The following RALGPS2 variants were observed in gnomAD, a reference collection of about 807,000 sequenced individuals.
RALGPS2 encodes the protein ras-specific guanine nucleotide-releasing factor RalGPS2.
Under a neutral mutation model 86.8 loss-of-function variants are expected in RALGPS2, and 43 were observed. That is an observed-to-expected ratio of 0.50 (90% CI 0.39 to 0.64). RALGPS2 has a LOEUF of 0.64. Among genes scored for constraint, RALGPS2 ranks in the 30% least tolerant of loss-of-function variants. The pLI is 0.00. For synonymous variants in RALGPS2, 243 were observed against 231.3 expected, an observed-to-expected ratio of 1.05 and a Z score of -0.46; for missense variants, 536 against 694.6, an observed-to-expected ratio of 0.77 and a Z score of 2.57.
intron 1 of RALGPS2, among the ~76,000 whole-genome samples, chr1:178,746,518 G>A (rs974289322): frequency 7.2e-5 from 11 of 152,192 alleles, no homozygotes; most frequent in African/African-American, 2.4e-4. Context: ...GCTGGTGGAT[G>A]CTCTTCATTC....
chr1:178,754,396 G>T (rs1029939103), intron 1 of RALGPS2, among the ~76,000 whole-genome samples: 2 of 152,144 alleles, frequency 1.3e-5, no homozygotes, highest in Non-Finnish European at 2.9e-5. Context: ...CTGACTGAGT[G>T]TGAAGGCCTG....
At chr1:178,816,355 A>G (rs566284542) in intron 6 of RALGPS2, among the ~76,000 whole-genome samples, 1 of 151,970 alleles carries the variant, frequency 6.6e-6, no homozygotes, top group African/African-American at 2.4e-5. Flanking sequence ...ATCTTTTCAT[A>G]TGTATGTGGA....
Position 178,838,360 on chromosome 1 carries a change from G to A in RALGPS2, c.607+4810G>A, listed in dbSNP as rs1032200841. Among the ~76,000 whole-genome samples the A allele has an allele frequency of 2.6e-5, 4 of 152,326 alleles. No homozygotes were observed. In the East Asian group the frequency reaches 7.7e-4, roughly 29 times the overall value. ...GAACAATCAGGCAGCAACATTTGCT[G>A]TTCAGCAATATTCACTGTTCTGCAG... is the stretch of plus-strand genomic sequence containing the variant. On this transcript the variant is annotated intron_variant, in intron 8 of 19. Coordinates refer to ENST00000367635, the MANE Select transcript of RALGPS2 (RefSeq NM_152663.5).
chr1:178,818,643 C>G (rs1655349662), intron 6 of RALGPS2, among the ~76,000 whole-genome samples: 1 of 151,322 alleles, frequency 6.6e-6, no homozygotes, highest in African/African-American at 2.5e-5. Context: ...AGAGCCAACT[C>G]TAGGTTTGAG....
chr1:178,914,769 T>C (rs77765160), intron 19 of RALGPS2, among the ~76,000 whole-genome samples: 4,431 of 152,278 alleles, frequency 0.029, 211 homozygotes, highest in African/African-American at 0.1. Context: ...TTAGTACCAT[T>C]TTTAGCAACC....
chr1:178,881,857 G>A (rs1353209326), intron 10 of RALGPS2, among the ~76,000 whole-genome samples: 1 of 152,070 alleles, frequency 6.6e-6, no homozygotes, highest in African/African-American at 2.4e-5. Flanking sequence ...GAAAAAATTA[G>A]AAGAAAACAT....
intron 8 of RALGPS2, among the ~76,000 whole-genome samples, chr1:178,847,012 T>C (rs1373037903): frequency 6.6e-6 from 1 of 152,234 alleles, no homozygotes; most frequent in Non-Finnish European, 1.5e-5. Flanking sequence ...ACGTATTTCA[T>C]TCACAGCTCA....
intron 6 of RALGPS2, among the ~76,000 whole-genome samples, chr1:178,812,831 G>A (rs1419072246): frequency 6.6e-6 from 1 of 151,986 alleles, no homozygotes; most frequent in Non-Finnish European, 1.5e-5. Context: ...ACATTCTATG[G>A]CACTAGGTGG....
At chr1:178,774,367 A>T (rs1298645000) in intron 1 of RALGPS2, among the ~76,000 whole-genome samples, 3 of 152,162 alleles carry the variant, frequency 2.0e-5, no homozygotes, top group African/African-American at 7.2e-5. Context: ...ACATTTTTTT[A>T]AGTAAAAGTA....
chr1:178,808,371 A>G (rs1654833938), intron 5 of RALGPS2, among the ~76,000 whole-genome samples: 1 of 152,028 alleles, frequency 6.6e-6, no homozygotes. Flanking sequence ...TTTGTCCTCC[A>G]TTCTGAGTGA....
rs1659056410 is a variant in RALGPS2, at chr1:178,877,562, A to G, written c.672A>G (p.Glu224=). The change falls in exon 9 of 20, where the codon GAA becomes GAG. Residue 224 remains glutamate, a synonymous_variant. Coordinates refer to ENST00000367635, the MANE Select transcript of RALGPS2 (RefSeq NM_152663.5). ...ACCCATCAACTGGCAGCATTCTAGA[A>G]AATGAGCAAAGATCAAATTTAATGA... The part of the protein sequence containing the change: ...SAYPSTGSIL[E]NEQRSNLMNN... 2 of 1,613,492 alleles carry G rather than the reference A, an allele frequency of 1.2e-6. No individual in the cohort carries two copies. The highest frequency in any genetic ancestry group is 1.7e-6 in the Non-Finnish European group (2 of 1,179,634).
chr1:178,890,874 G>A (rs926000291), intron 14 of RALGPS2, among the ~76,000 whole-genome samples: 1 of 151,498 alleles, frequency 6.6e-6, no homozygotes, highest in Non-Finnish European at 1.5e-5. Context: ...CTGTTCATTT[G>A]GGTTTGCCTG....
At chr1:178,746,677 T>C in intron 1 of RALGPS2, 1 of 772,508 alleles carries the variant, frequency 1.3e-6, no homozygotes, top group Non-Finnish European at 2.4e-6. Context: ...TCTCAAGTCA[T>C]GAATATTAGG....
chr1:178,821,847 T>C, intron 7 of RALGPS2, 143 bp downstream of exon 7: 2 of 704,976 alleles, frequency 2.8e-6, no homozygotes, highest in African/African-American at 1.8e-5. Context: ...TATTCTTTGA[T>C]ACCTACATTT....
chr1:178,776,952 AT>A, intron 2 of RALGPS2, 131 bp downstream of exon 2: 1 of 701,466 alleles, frequency 1.4e-6, no homozygotes, highest in East Asian at 3.0e-5. Context: ...TTTTTTTTAA[AT>A]TTTATTTTTT....
intron 4 of RALGPS2, among the ~76,000 whole-genome samples, chr1:178,792,297 C>T (rs772000521): frequency 5.3e-5 from 8 of 152,128 alleles, no homozygotes; most frequent in African/African-American, 1.9e-4. Context: ...TTTTAAGGTT[C>T]TCTGAGTGCT....
At chr1:178,906,979 T>G (rs1660411648) in intron 19 of RALGPS2, 112 bp downstream of exon 19, 1 of 932,874 alleles carries the variant, frequency 1.1e-6, no homozygotes, top group African/African-American at 1.7e-5. Context: ...ATGGTGGTGT[T>G]TTTATTCTTG....
intron 1 of RALGPS2, among the ~76,000 whole-genome samples, chr1:178,754,238 A>G (rs763920382): frequency 2.7e-5 from 4 of 150,718 alleles, no homozygotes; most frequent in Admixed American, 1.3e-4. Context: ...ATTTTATTAT[A>G]TATATAATCC....
chr1:178,785,275 G>C (rs1653595412), intron 3 of RALGPS2, among the ~76,000 whole-genome samples: 1 of 151,532 alleles, frequency 6.6e-6, no homozygotes. Flanking sequence ...AATAAATCTG[G>C]TTTTTATTTT....
Sources: allele counts gnomAD v4.1 joint callset (sites outside exome capture counted in the v4.1 genomes callset), GRCh38; gene constraint gnomAD v4.1.1; transcripts MANE v1.5; gene names NCBI Gene and HGNC (gene_info 2026-07-23, HGNC 2026-07-21).